ZNF124: variants seen among roughly 807,000 people sequenced by gnomAD.
The protein encoded by ZNF124 is zinc finger protein 124.
A neutral mutation model predicts 26.6 loss-of-function variants in ZNF124; 25 were observed. That is an observed-to-expected ratio of 0.94 (90% CI 0.68 to 1.31). The LOEUF is 1.31. Among genes scored for constraint, ZNF124 ranks in the 40% most tolerant of loss-of-function variants. The probability of loss-of-function intolerance (pLI) is 0.00; values close to 1 mark genes in which losing one functional copy is unlikely to be tolerated. For missense variants in ZNF124, 444 were observed against 422.2 expected, an observed-to-expected ratio of 1.05 and a Z score of -0.45; for synonymous variants, 129 against 133.3, an observed-to-expected ratio of 0.97 and a Z score of 0.22.
chr1:247,162,188 A>C, intron 1 of ZNF124, among the ~76,000 whole-genome samples: 1 of 152,204 alleles, frequency 6.6e-6, no homozygotes, highest in East Asian at 1.9e-4. Flanking sequence ...GTGACACTAT[A>C]AAGCAAGCAT....
intron 3 of ZNF124, among the ~76,000 whole-genome samples, chr1:247,141,181 C>T (rs955042963): frequency 4.6e-5 from 7 of 152,220 alleles, no homozygotes; most frequent in African/African-American, 1.7e-4. Flanking sequence ...TGGGTGGAAC[C>T]TGTGGGAGAT....
rs781504160 is a variant in ZNF124, at chr1:247,156,613, T to A, written c.1009A>T (p.Lys337Ter). Residue 337 changes from lysine (K) to a stop codon, truncating the protein, a stop_gained, in exon 4 of 4, where the codon AAA becomes TAA. Coordinates refer to ENST00000543802, the MANE Select transcript of ZNF124 (RefSeq NM_001297568.2). LOFTEE classifies it high-confidence loss of function. Reference protein sequence around the residue: ...FSRASTLWKHKKTHTGEKPYK... With the variant: ...FSRASTLWKH ...GGCTTTTCTCCAGTATGAGTTTTTT[T>A]ATGCTTCCAAAGGGTACTAGCACGA... The A allele has an allele frequency of 1.8e-5, 28 of 1,565,460 alleles. No homozygotes were observed. Among genetic ancestry groups the A allele is most frequent in the Middle Eastern group, 1.7e-4 (1 of 5,818 alleles).
At chr1:247,149,205 A>G (rs1458597280) in intron 3 of ZNF124, among the ~76,000 whole-genome samples, 2 of 152,244 alleles carry the variant, frequency 1.3e-5, no homozygotes, top group East Asian at 3.8e-4. Flanking sequence ...TGAGAGATCC[A>G]TGAAGAATTG....
intron 3 of ZNF124, among the ~76,000 whole-genome samples, chr1:247,125,193 G>C (rs889142177): frequency 6.6e-6 from 1 of 152,130 alleles, no homozygotes. Context: ...TTCACACATT[G>C]GCTGTTACGA....
At chr1:247,125,690 A>G (rs1389267606) in intron 3 of ZNF124, among the ~76,000 whole-genome samples, 3 of 151,828 alleles carry the variant, frequency 2.0e-5, no homozygotes, top group Non-Finnish European at 4.4e-5. Context: ...CGCCGATTAA[A>G]GGCGCCACCG....
At chr1:247,126,035 G>A (rs188518860) in intron 3 of ZNF124, among the ~76,000 whole-genome samples, 5,021 of 152,144 alleles carry the variant, frequency 0.033, 161 homozygotes, top group Admixed American at 0.097. Flanking sequence ...AGGCTGAGGT[G>A]GGCGGATCAT....
At chr1:247,147,471 C>G (rs553152215) in intron 3 of ZNF124, among the ~76,000 whole-genome samples, 1 of 152,074 alleles carries the variant, frequency 6.6e-6, no homozygotes, top group African/African-American at 2.4e-5. Context: ...GTGATCCACA[C>G]GGCTCGGCCT....
At chr1:247,162,175 C>T (rs1673518096) in intron 1 of ZNF124, among the ~76,000 whole-genome samples, 1 of 152,138 alleles carries the variant, frequency 6.6e-6, no homozygotes, top group African/African-American at 2.4e-5. Flanking sequence ...AGTACATAGA[C>T]CAGTGACACT....
At chr1:247,169,617 T>G (rs1673981375) in intron 1 of ZNF124, among the ~76,000 whole-genome samples, 1 of 151,756 alleles carries the variant, frequency 6.6e-6, no homozygotes, top group South Asian at 2.1e-4. Flanking sequence ...GTCCCCACTG[T>G]GCCCCAAATG....
intron 3 of ZNF124, among the ~76,000 whole-genome samples, chr1:247,134,409 T>A (rs1672438325): frequency 6.6e-6 from 1 of 151,930 alleles, no homozygotes; most frequent in Admixed American, 6.6e-5. Context: ...GATGAAGGAA[T>A]ATTTACCAAG....
At position 247,155,806 on chromosome 1, in the gene ZNF124, A is replaced by T. The variant is rs1026258891; in HGVS notation, c.*760T>A. 10 of 500,858 alleles carry T rather than the reference A, an allele frequency of 2.0e-5. No individual in the cohort carries two copies. The African/African-American group carries it at 2.1e-4, about 11-fold the overall frequency. 31.0% of individuals were successfully genotyped at this position (500,858 alleles called of 1,614,324 possible). On this transcript the variant is annotated 3_prime_UTR_variant, in exon 4 of 4. Transcript: ENST00000543802. ...AACCTGGGAGGCAGAGCTTACAGTG[A>T]ACTGAGATTGTGCCACTGCACACCA...
At chr1:247,132,780 G>A (rs1023817779) in intron 3 of ZNF124, among the ~76,000 whole-genome samples, 2 of 152,128 alleles carry the variant, frequency 1.3e-5, no homozygotes, top group Admixed American at 6.5e-5. Context: ...GTTCTGTTCC[G>A]TTCTGATTAC....
chr1:247,133,653 CTTTTTTT>C (rs1163588323), intron 3 of ZNF124, among the ~76,000 whole-genome samples: 1 of 127,202 alleles, frequency 7.9e-6, no homozygotes, highest in African/African-American at 3.1e-5. Context: ...ATTCAATATT[CTTTTTTT>C]TTTTTTTTTT....
chr1:247,160,033 T>C (rs1379878501), intron 1 of ZNF124, among the ~76,000 whole-genome samples: 1 of 143,294 alleles, frequency 7.0e-6, no homozygotes, highest in African/African-American at 2.6e-5. Context: ...GTTGCCAGGC[T>C]GGAGTGCAGT....
At chr1:247,167,252 C>G (rs967869340) in intron 1 of ZNF124, among the ~76,000 whole-genome samples, 1 of 152,206 alleles carries the variant, frequency 6.6e-6, no homozygotes, top group Non-Finnish European at 1.5e-5. Flanking sequence ...GCTTTTATCA[C>G]TCCCATTCAA....
intron 3 of ZNF124, among the ~76,000 whole-genome samples, chr1:247,146,737 T>C (rs1672790033): frequency 6.6e-6 from 1 of 152,244 alleles, no homozygotes; most frequent in Admixed American, 6.5e-5. Context: ...CAGTGCTTAC[T>C]ATCCAATGTG....
At chr1:247,136,351 A>G (rs544681144) in intron 3 of ZNF124, among the ~76,000 whole-genome samples, 46 of 152,348 alleles carry the variant, frequency 3.0e-4, no homozygotes, top group Admixed American at 9.1e-4. Context: ...GGTTACACCA[A>G]TAGGCAAGCA....
At chr1:247,128,348 G>T (rs1377594836) in intron 3 of ZNF124, among the ~76,000 whole-genome samples, 1 of 149,778 alleles carries the variant, frequency 6.7e-6, no homozygotes, top group Non-Finnish European at 1.5e-5. Flanking sequence ...ACGTGGTGTT[G>T]TGTCCTCAGC....
In ZNF124 at chr1:247,156,083, G is replaced by T; in HGVS notation, c.*483C>A. 3 of 977,874 alleles carry T rather than the reference G, an allele frequency of 3.1e-6. No homozygotes were observed. Among genetic ancestry groups the T allele is most frequent in the African/African-American group, 1.7e-5 (1 of 57,158 alleles). The allele number at this position is 977,874 out of a possible 1,614,324, so 60.6% of individuals were successfully genotyped here. A position where few individuals can be genotyped will look rare whatever the true frequency, so the allele number is the denominator to read the frequency against. On this transcript the variant is annotated 3_prime_UTR_variant, in exon 4 of 4. Coordinates refer to ENST00000543802, the MANE Select transcript of ZNF124 (RefSeq NM_001297568.2). ...CATTTACAGGATTTATTTCCAGTGG[G>T]AGTTTTCACATGACCTTTAAAGTAA...
Sources: allele counts gnomAD v4.1 joint callset (sites outside exome capture counted in the v4.1 genomes callset), GRCh38; gene constraint gnomAD v4.1.1; transcripts MANE v1.5; gene names NCBI Gene and HGNC (gene_info 2026-07-23, HGNC 2026-07-21).